PPM1E: variants seen among roughly 807,000 people sequenced by gnomAD.
The protein encoded by PPM1E is protein phosphatase, Mg2+/Mn2+ dependent 1E, also known as protein phosphatase 1E.
Under a neutral mutation model 65.9 loss-of-function variants are expected in PPM1E, and 20 were observed. The ratio of observed to expected loss-of-function variants is 0.30; its 90% confidence interval spans 0.21 to 0.44. PPM1E has a LOEUF of 0.44. Among genes scored for constraint, PPM1E ranks in the 20% least tolerant of loss-of-function variants. The pLI is 1.00. For missense variants in PPM1E, 713 were observed against 953.1 expected (o/e 0.75, Z 3.32); for synonymous variants, 352 against 374.9 (o/e 0.94, Z 0.70).
intron 5 of PPM1E, 85 bp downstream of exon 5, chr17:58,972,360 T>C: frequency 6.9e-7 from 1 of 1,453,112 alleles, no homozygotes; most frequent in Non-Finnish European, 9.3e-7. Context: ...ACTTACTTTT[T>C]TTTTTTTTGA....
chr17:58,855,789 C>A (rs1296502827), intron 1 of PPM1E, among the ~76,000 whole-genome samples: 1 of 152,156 alleles, frequency 6.6e-6, no homozygotes, highest in Non-Finnish European at 1.5e-5. Flanking sequence ...AAATTATCTG[C>A]AGTACTACTG....
intron 1 of PPM1E, among the ~76,000 whole-genome samples, chr17:58,805,479 A>T (rs1234838104): frequency 6.6e-6 from 1 of 151,850 alleles, no homozygotes; most frequent in Non-Finnish European, 1.5e-5. Flanking sequence ...CAAACTCCTG[A>T]CCTCAGGTGA....
chr17:58,867,919 G>A (rs1021877419), intron 1 of PPM1E, among the ~76,000 whole-genome samples: 1 of 152,110 alleles, frequency 6.6e-6, no homozygotes, highest in African/African-American at 2.4e-5. Flanking sequence ...AGATTGATAT[G>A]CTGTTATAGG....
At chr17:58,847,021 T>G (rs2050778481) in intron 1 of PPM1E, among the ~76,000 whole-genome samples, 1 of 152,222 alleles carries the variant, frequency 6.6e-6, no homozygotes, top group African/African-American at 2.4e-5. Flanking sequence ...TGATGACCAG[T>G]GATGTTGAGC....
chr17:58,931,373 T>G (rs1598657653), intron 1 of PPM1E, among the ~76,000 whole-genome samples: 1 of 122,238 alleles, frequency 8.2e-6, no homozygotes, highest in Non-Finnish European at 1.6e-5. Context: ...GCGACAAGAG[T>G]GAAACTACAT....
intron 1 of PPM1E, among the ~76,000 whole-genome samples, chr17:58,931,034 T>C (rs1371697525): frequency 7.0e-5 from 8 of 114,320 alleles, no homozygotes; most frequent in Non-Finnish European, 1.2e-4. Flanking sequence ...GCCAACATAG[T>C]GAAACCCCAT....
At chr17:58,774,576 G>C (rs1419508363) in intron 1 of PPM1E, among the ~76,000 whole-genome samples, 1 of 151,974 alleles carries the variant, frequency 6.6e-6, no homozygotes, top group African/African-American at 2.4e-5. Flanking sequence ...TGCCTTTTAG[G>C]GCATGCTTCT....
chr17:58,930,250 TACACACACACACACACACACAC>T (rs377147999), intron 1 of PPM1E, among the ~76,000 whole-genome samples: 11 of 143,200 alleles, frequency 7.7e-5, no homozygotes, highest in African/African-American at 2.8e-4. Flanking sequence ...TAAATGTATA[TACACACACACACACACACACAC>T]ACACACACAC....
At chr17:58,854,214 T>A (rs1461448834) in intron 1 of PPM1E, among the ~76,000 whole-genome samples, 2 of 152,204 alleles carry the variant, frequency 1.3e-5, no homozygotes, top group Non-Finnish European at 2.9e-5. Flanking sequence ...TTGTTCACAT[T>A]TAGTGAATAG....
intron 1 of PPM1E, among the ~76,000 whole-genome samples, chr17:58,898,312 G>GA (rs1364098242): frequency 1.7e-4 from 26 of 148,950 alleles, no homozygotes; most frequent in East Asian, 2.0e-4. Context: ...AAATTTACAA[G>GA]AAAAAATCAA....
At chr17:58,890,218 T>G (rs754252529) in intron 1 of PPM1E, among the ~76,000 whole-genome samples, 15 of 152,310 alleles carry the variant, frequency 9.8e-5, no homozygotes, top group Non-Finnish European at 1.3e-4. Context: ...GTTGATTCAT[T>G]AACACTGAAC....
At chr17:58,872,049 G>A (rs1404604911) in intron 1 of PPM1E, among the ~76,000 whole-genome samples, 4 of 152,192 alleles carry the variant, frequency 2.6e-5, no homozygotes, top group African/African-American at 9.7e-5. Flanking sequence ...TGTAATCCCA[G>A]CACTTTGGGA....
At chr17:58,855,281 C>T (rs1339269739) in intron 1 of PPM1E, among the ~76,000 whole-genome samples, 2 of 152,090 alleles carry the variant, frequency 1.3e-5, no homozygotes, top group Non-Finnish European at 2.9e-5. Flanking sequence ...TTTGTTAGAG[C>T]CTAACTGACC....
At chr17:58,941,691 C>CAAA (rs772567524) in intron 1 of PPM1E, among the ~76,000 whole-genome samples, 3 of 63,034 alleles carry the variant, frequency 4.8e-5, no homozygotes, top group Admixed American at 2.0e-4. Flanking sequence ...GACTCCATCT[C>CAAA]AAAAAAAAAA....
rs931403300 is a variant in PPM1E at position 58,871,086 on chromosome 17, G to A, written c.465-84563G>A. ...GTTTTGCTCTGTCACCCAGGCTAGA[G>A]TGCAGTGGTGTGATTACAGCTCACT... On this transcript the variant is annotated intron_variant, in intron 1 of 6. Transcript: ENST00000308249. 2.0e-5 allele frequency among the ~76,000 whole-genome samples: 3 copies of A among 152,142 alleles called. No individual in the cohort carries two copies. The South Asian group carries it at 6.2e-4, about 32-fold the overall frequency.
In PPM1E at chr17:58,925,585, C is replaced by T. The variant is rs1047048507; in HGVS notation, c.465-30064C>T. Among the ~76,000 whole-genome samples the T allele has an allele frequency of 7.9e-5, 12 of 151,928 alleles. No homozygotes were observed. In the East Asian group the frequency reaches 1.2e-3, roughly 15 times the overall value. ...CCTCCCGAGTAGCTGGGACTACAGG[C>T]GCCTACCACCATGCCCAGCTAATTT... On this transcript the variant is annotated intron_variant, in intron 1 of 6. Coordinates refer to ENST00000308249, the MANE Select transcript of PPM1E (RefSeq NM_014906.5).
intron 1 of PPM1E, among the ~76,000 whole-genome samples, chr17:58,935,114 A>G (rs1466262309): frequency 8.7e-5 from 12 of 137,748 alleles, no homozygotes; most frequent in African/African-American, 3.3e-4. Context: ...AGCTGGGCGC[A>G]GTGGCGGGTG....
At chr17:58,822,824 G>C (rs1362920746) in intron 1 of PPM1E, among the ~76,000 whole-genome samples, 1 of 152,132 alleles carries the variant, frequency 6.6e-6, no homozygotes, top group African/African-American at 2.4e-5. Flanking sequence ...TATCAGTCAG[G>C]TCTTACCGTA....
intron 1 of PPM1E, among the ~76,000 whole-genome samples, chr17:58,916,887 A>G (rs530895095): frequency 6.6e-6 from 1 of 152,252 alleles, no homozygotes; most frequent in East Asian, 1.9e-4. Context: ...CTAGTAAACT[A>G]GTCAACAGAG....
Sources: gnomAD v4.1 joint callset for allele counts (sites outside exome capture counted in the v4.1 genomes callset) on GRCh38, gnomAD v4.1.1 for gene constraint, MANE v1.5 for transcripts, NCBI Gene and HGNC (gene_info 2026-07-23, HGNC 2026-07-21) for gene names.